The following S100Z variants were observed in gnomAD, a reference collection of about 807,000 sequenced individuals.
S100Z encodes protein S100-Z.
In S100Z, 11 loss-of-function variants were observed where a neutral mutation model predicts 8.5. The ratio of observed to expected loss-of-function variants is 1.30; its 90% CI spans 0.82 to 2.15. The LOEUF (loss-of-function observed/expected upper bound fraction) is 2.15, where lower values mean the gene tolerates loss of function less well. Among genes scored for constraint, S100Z ranks in the 30% most tolerant of loss-of-function variants. S100Z has a pLI of 0.00. For synonymous variants in S100Z, 34 were observed against 43.8 expected, an observed-to-expected ratio of 0.78 and a Z score of 0.89; for missense variants, 126 against 117.9, an observed-to-expected ratio of 1.07 and a Z score of -0.32.
intron 4 of S100Z, among the ~76,000 whole-genome samples, chr5:76,913,858 A>T (rs867598271): frequency 6.6e-6 from 1 of 152,086 alleles, no homozygotes; most frequent in Admixed American, 6.5e-5. Context: ...TTACAGGAAA[A>T]GGCTTCTGAA....
At chr5:76,934,217 A>T in the S100Z span, among the ~76,000 whole-genome samples, 1 of 152,210 alleles carries the variant, frequency 6.6e-6, no homozygotes, top group African/African-American at 2.4e-5. Context: ...AATCAGAATG[A>T]CCATGAGTGC....
At chr5:76,903,563 A>G (rs890526751) in intron 4 of S100Z, among the ~76,000 whole-genome samples, 3 of 152,114 alleles carry the variant, frequency 2.0e-5, no homozygotes, top group Non-Finnish European at 2.9e-5. Context: ...GTAAGTAGTA[A>G]GTGTGGGATT....
At chr5:76,949,284 G>A in the S100Z span, among the ~76,000 whole-genome samples, 2 of 152,086 alleles carry the variant, frequency 1.3e-5, no homozygotes, top group Non-Finnish European at 2.9e-5. Context: ...AGCTACTCGG[G>A]AGGCTGAGAC....
At chr5:76,887,069 C>A (rs1743670271) in intron 4 of S100Z, among the ~76,000 whole-genome samples, 1 of 151,176 alleles carries the variant, frequency 6.6e-6, no homozygotes. Context: ...GTTTTGGTTA[C>A]AAAAGAGCCT....
At chr5:76,867,198 A>G (rs1234596426) in intron 1 of S100Z, among the ~76,000 whole-genome samples, 1 of 152,232 alleles carries the variant, frequency 6.6e-6, no homozygotes, top group African/African-American at 2.4e-5. Context: ...CAGTCAAGAT[A>G]ATAAACATAC....
At chr5:76,878,697 A>G (rs2150645141) in intron 4 of S100Z, among the ~76,000 whole-genome samples, 1 of 152,300 alleles carries the variant, frequency 6.6e-6, no homozygotes, top group South Asian at 2.1e-4. Flanking sequence ...TACCCTAACT[A>G]CTGTGTAAAG....
intron 2 of S100Z, among the ~76,000 whole-genome samples, chr5:76,874,033 T>TA (rs2150637899): frequency 1.1e-5 from 1 of 90,294 alleles, no homozygotes; most frequent in Non-Finnish European, 2.6e-5. Flanking sequence ...TGTTCTACCC[T>TA]TTCCCCCCTT....
At chr5:76,895,935 G>C (rs1394651183) in intron 4 of S100Z, among the ~76,000 whole-genome samples, 1 of 151,656 alleles carries the variant, frequency 6.6e-6, no homozygotes, top group African/African-American at 2.4e-5. Flanking sequence ...GCTAATTTTT[G>C]TATTTTTAGT....
chr5:76,936,750 G>A, the S100Z span, among the ~76,000 whole-genome samples: 1 of 152,066 alleles, frequency 6.6e-6, no homozygotes, highest in Non-Finnish European at 1.5e-5. Flanking sequence ...CCTCAAGGCT[G>A]CAGTAGGTAA....
the S100Z span, among the ~76,000 whole-genome samples, chr5:76,935,990 T>A: frequency 6.6e-6 from 1 of 152,174 alleles, no homozygotes; most frequent in Non-Finnish European, 1.5e-5. Context: ...TTGGCCAGGA[T>A]GGTCTTGAAC....
rs73764778 is a variant in S100Z, at chr5:76,895,250, T to A, written c.*2+17416T>A. On this transcript the variant is annotated intron_variant, in intron 4 of 4. Coordinates refer to ENST00000317593, the MANE Select transcript of S100Z (RefSeq NM_130772.4). The stretch of plus-strand genomic sequence containing the variant: ...TCACCGTTTTAAAACTTGTTTACGG[T>A]ACAAGTATAGCACCAACCAAATAAC... Among the ~76,000 whole-genome samples the A allele has an allele frequency of 7.6e-3, 1,155 of 152,288 alleles. 8 individuals carry two copies. Among genetic ancestry groups the A allele is most frequent in the African/African-American group, 0.026 (1,092 of 41,556 alleles).
chr5:76,948,578 A>C, the S100Z span, among the ~76,000 whole-genome samples: 80 of 152,330 alleles, frequency 5.3e-4, no homozygotes, highest in African/African-American at 1.9e-3. Flanking sequence ...ATATGAAAAG[A>C]TGCTCAATAT....
chr5:76,858,987 G>T (rs891857023), intron 1 of S100Z, among the ~76,000 whole-genome samples: 1 of 152,078 alleles, frequency 6.6e-6, no homozygotes, highest in Non-Finnish European at 1.5e-5. Context: ...GAGAGTGCAC[G>T]CCTGTAATCC....
intron 1 of S100Z, among the ~76,000 whole-genome samples, chr5:76,861,806 C>T (rs1393164889): frequency 6.6e-6 from 1 of 152,220 alleles, no homozygotes; most frequent in Admixed American, 6.5e-5. Flanking sequence ...AATAAATAAG[C>T]ATTCATGTTA....
chr5:76,880,535 G>A (rs1457356883), intron 4 of S100Z, among the ~76,000 whole-genome samples: 1 of 152,090 alleles, frequency 6.6e-6, no homozygotes, highest in African/African-American at 2.4e-5. Flanking sequence ...TGATATTGTG[G>A]GGTTGTTAGA....
intron 4 of S100Z, among the ~76,000 whole-genome samples, chr5:76,888,234 G>A (rs1373347786): frequency 2.0e-5 from 3 of 149,688 alleles, no homozygotes; most frequent in African/African-American, 7.4e-5. Context: ...TCCAGCCTGG[G>A]TGACAGAGCA....
chr5:76,876,687 C>A lies in S100Z; in HGVS notation c.142-987C>A, dbSNP rs558312723. 2.6e-5 allele frequency among the ~76,000 whole-genome samples: 4 copies of A among 152,284 alleles called. No individual in the cohort carries two copies. The East Asian group carries it at 7.7e-4, about 29-fold the overall frequency. Reference sequence around the variant, plus strand: ...TGTGGGGCCAACTTTGGCTACTGTACTGTTTAACATTTAGCATAAAAACTC... The same window carrying A: ...TGTGGGGCCAACTTTGGCTACTGTAATGTTTAACATTTAGCATAAAAACTC... On this transcript the variant is annotated intron_variant, in intron 3 of 4. Transcript: ENST00000317593.
chr5:76,885,538 C>T (rs1284516218), intron 4 of S100Z, among the ~76,000 whole-genome samples: 2 of 90,408 alleles, frequency 2.2e-5, no homozygotes, highest in African/African-American at 4.7e-5. Flanking sequence ...AAAGTGGGAA[C>T]GGGGTGGGAG....
At chr5:76,945,807 T>A in the S100Z span, among the ~76,000 whole-genome samples, 3 of 152,236 alleles carry the variant, frequency 2.0e-5, no homozygotes, top group Non-Finnish European at 4.4e-5. Flanking sequence ...GTGCCGGTGC[T>A]GGTCCTCTGT....
Sources: allele counts gnomAD v4.1 joint callset (sites outside exome capture counted in the v4.1 genomes callset), GRCh38; gene constraint gnomAD v4.1.1; transcripts MANE v1.5; gene names NCBI Gene and HGNC (gene_info 2026-07-23, HGNC 2026-07-21).